Variants in THSD7B observed in about 807,000 individuals in gnomAD.
THSD7B encodes thrombospondin type 1 domain containing 7B, also known as thrombospondin type-1 domain-containing protein 7B.
A neutral mutation model predicts 213.6 loss-of-function variants in THSD7B; 138 were observed. The ratio of observed to expected loss-of-function variants is 0.65; its 90% CI spans 0.56 to 0.74. The LOEUF is 0.74. Among genes scored for constraint, THSD7B ranks in the 30% least tolerant of loss-of-function variants. The probability of loss-of-function intolerance (pLI) is 0.00; values close to 1 mark genes in which losing one functional copy is unlikely to be tolerated. For synonymous variants in THSD7B, 742 were observed against 687.0 expected (o/e 1.08, Z -1.25); for missense variants, 1,931 against 1,991.5 (o/e 0.97, Z 0.58).
At chr2:137,003,863 G>T (rs1030882844) in intron 2 of THSD7B, among the ~76,000 whole-genome samples, 1 of 152,114 alleles carries the variant, frequency 6.6e-6, no homozygotes, top group Non-Finnish European at 1.5e-5. Flanking sequence ...AATGAATGTG[G>T]TATATCCAGG....
chr2:137,492,281 C>G (rs1679427983), intron 15 of THSD7B, among the ~76,000 whole-genome samples: 1 of 152,054 alleles, frequency 6.6e-6, no homozygotes, highest in Non-Finnish European at 1.5e-5. Context: ...CTTTTTCTTT[C>G]CATCTTATAC....
chr2:136,817,990 G>A (rs1320461669), intron 1 of THSD7B, among the ~76,000 whole-genome samples: 3 of 148,538 alleles, frequency 2.0e-5, no homozygotes, highest in Non-Finnish European at 3.0e-5. Flanking sequence ...TCAGTGTGGC[G>A]ATTCCTCAGG....
chr2:137,078,740 A>G (rs142233953), intron 3 of THSD7B, among the ~76,000 whole-genome samples: 1,557 of 152,202 alleles, frequency 0.01, 32 homozygotes, highest in African/African-American at 0.036. Context: ...GTTTAGGACT[A>G]TTAATTTTCC....
chr2:136,859,580 C>A (rs1359355496), intron 1 of THSD7B, among the ~76,000 whole-genome samples: 1 of 151,918 alleles, frequency 6.6e-6, no homozygotes, highest in Non-Finnish European at 1.5e-5. Context: ...GAGCGAGTGG[C>A]AGTGATCAAA....
intron 17 of THSD7B, among the ~76,000 whole-genome samples, chr2:137,593,440 GT>G (rs971118698): frequency 4.6e-5 from 7 of 151,726 alleles, no homozygotes; most frequent in African/African-American, 1.7e-4. Context: ...TATTTTCCAT[GT>G]TTTTTTCTTG....
intron 15 of THSD7B, among the ~76,000 whole-genome samples, chr2:137,465,485 C>G (rs1687974961): frequency 6.6e-6 from 1 of 151,956 alleles, no homozygotes; most frequent in Admixed American, 6.6e-5. Context: ...TTATAAATCT[C>G]CAGGTGATTC....
rs751082565 is a variant in THSD7B, at chr2:137,276,055, T to A, written c.2500+29T>A. On this transcript the variant is annotated intron_variant, in intron 12 of 27. Coordinates refer to ENST00000409968, the MANE Select transcript of THSD7B (RefSeq NM_001316349.2). The stretch of plus-strand genomic sequence containing the variant: ...TGATGATTTTTACATAGTTTTTTTT[T>A]ATTAATACGTAAGTTAACATTATGT... The A allele has an allele frequency of 1.6e-5, 24 of 1,523,032 alleles. No individual in the cohort carries two copies. In the Admixed American group the frequency reaches 2.2e-4, roughly 14 times the overall value. The allele number at this position is 1,523,032 out of a possible 1,614,324, so 94.3% of individuals were successfully genotyped here. A position where few individuals can be genotyped will look rare whatever the true frequency, so the allele number is the denominator to read the frequency against.
intron 3 of THSD7B, among the ~76,000 whole-genome samples, chr2:137,089,547 A>G (rs555790526): frequency 6.6e-6 from 1 of 152,088 alleles, no homozygotes; most frequent in East Asian, 1.9e-4. Flanking sequence ...CTCTAAGTCA[A>G]GTAACTCAGG....
rs376606376 is a variant in THSD7B at position 137,405,639 on chromosome 2, C to G, written c.2527C>G (p.Arg843Gly). 1 of 1,608,992 alleles carries G rather than the reference C, an allele frequency of 6.2e-7. No individual in the cohort carries two copies. Among genetic ancestry groups the G allele is most frequent in the Non-Finnish European group, 8.5e-7 (1 of 1,177,818 alleles). ...TGTCTCATGCATCTCTGATGACAAC[C>G]GGTCAGCAGAAATGATGGAATGCCT... ...RAVSCISDDN[R>G]SAEMMECLKQ... The change falls in exon 13 of 28, where the codon CGG becomes GGG. Residue 843 changes from arginine to glycine, a missense_variant. Coordinates refer to ENST00000409968, the MANE Select transcript of THSD7B (RefSeq NM_001316349.2).
intron 1 of THSD7B, among the ~76,000 whole-genome samples, chr2:136,820,014 C>A (rs1335490628): frequency 6.6e-6 from 1 of 152,166 alleles, no homozygotes; most frequent in Non-Finnish European, 1.5e-5. Flanking sequence ...ACTCCTCAAG[C>A]AGGCCTTCCC....
At chr2:137,238,548 T>G (rs1280674460) in intron 9 of THSD7B, among the ~76,000 whole-genome samples, 1 of 115,680 alleles carries the variant, frequency 8.6e-6, no homozygotes, top group African/African-American at 3.3e-5. Flanking sequence ...TTTTTTTTTT[T>G]TTTTTTTTTT....
At chr2:137,292,783 C>T (rs1023376550) in intron 12 of THSD7B, among the ~76,000 whole-genome samples, 1 of 152,164 alleles carries the variant, frequency 6.6e-6, no homozygotes, top group Non-Finnish European at 1.5e-5. Flanking sequence ...AGCCTGCCAG[C>T]TATCTTTAGT....
chr2:137,447,134 A>AT (rs1687556776), intron 14 of THSD7B, among the ~76,000 whole-genome samples: 1 of 152,116 alleles, frequency 6.6e-6, no homozygotes, highest in Admixed American at 6.5e-5. Context: ...TTTCAAAATT[A>AT]TTTTATGCTC....
At chr2:137,310,095 A>G (rs1256797402) in intron 12 of THSD7B, among the ~76,000 whole-genome samples, 3 of 151,846 alleles carry the variant, frequency 2.0e-5, no homozygotes, top group Non-Finnish European at 2.9e-5. Flanking sequence ...GACTTCCACA[A>G]TGGTTGAACT....
intron 1 of THSD7B, among the ~76,000 whole-genome samples, chr2:136,774,806 T>G (rs1350746337): frequency 6.6e-6 from 1 of 152,142 alleles, no homozygotes; most frequent in Admixed American, 6.6e-5. Flanking sequence ...GTTGGTGGAA[T>G]AAAAACATAA....
chr2:137,329,357 TA>T (rs1252040658), intron 12 of THSD7B, among the ~76,000 whole-genome samples: 1 of 152,156 alleles, frequency 6.6e-6, no homozygotes, highest in African/African-American at 2.4e-5. Flanking sequence ...GGGTATCTGG[TA>T]GAAGAAATTT....
chr2:137,550,474 A>T (rs558310219), intron 15 of THSD7B, among the ~76,000 whole-genome samples: 1 of 152,274 alleles, frequency 6.6e-6, no homozygotes, highest in Admixed American at 6.5e-5. Context: ...GCATTAAGAA[A>T]CTAAGGAATT....
intron 5 of THSD7B, among the ~76,000 whole-genome samples, chr2:137,147,043 T>A (rs754828379): frequency 6.6e-6 from 1 of 152,166 alleles, no homozygotes; most frequent in Non-Finnish European, 1.5e-5. Flanking sequence ...TTATAAAGTA[T>A]AAATCCTTGT....
At chr2:137,137,487 T>C (rs977409572) in intron 5 of THSD7B, among the ~76,000 whole-genome samples, 14 of 152,234 alleles carry the variant, frequency 9.2e-5, no homozygotes, top group African/African-American at 3.4e-4. Context: ...TCTGCTAAAC[T>C]TATGCTTAGA....
Sources: gnomAD v4.1 joint callset for allele counts (sites outside exome capture counted in the v4.1 genomes callset) on GRCh38, gnomAD v4.1.1 for gene constraint, MANE v1.5 for transcripts, NCBI Gene and HGNC (gene_info 2026-07-23, HGNC 2026-07-21) for gene names.